Variants in IL1RAPL1 observed in about 807,000 individuals in gnomAD.
IL1RAPL1 encodes the protein interleukin 1 receptor accessory protein like 1.
In IL1RAPL1, 3 loss-of-function variants were observed where a neutral mutation model predicts 48.4. The observed-to-expected ratio is 0.06, with a 90% CI of 0.03 to 0.16. The LOEUF (loss-of-function observed/expected upper bound fraction) is 0.16, where lower values mean the gene tolerates loss of function less well. Ranked by LOEUF, IL1RAPL1 falls within the 10% of genes least tolerant of loss-of-function variation. The pLI, the probability that IL1RAPL1 is intolerant of heterozygous loss-of-function variation, is 1.00. For synonymous variants in IL1RAPL1, 185 were observed against 187.7 expected (o/e 0.99, Z 0.12); for missense variants, 349 against 530.6 (o/e 0.66, Z 3.36).
chrX:29,798,340 G>A (rs189538778), intron 6 of IL1RAPL1, among the ~76,000 whole-genome samples: 429 of 111,839 alleles, frequency 3.8e-3, no homozygotes, highest in African/African-American at 0.013. Flanking sequence ...TTTTCATCCT[G>A]AAAAGAAATA....
chrX:28,603,445 G>A (rs1365329475), intron 1 of IL1RAPL1, among the ~76,000 whole-genome samples: 2 of 111,984 alleles, frequency 1.8e-5, no homozygotes, highest in Non-Finnish European at 3.8e-5. Flanking sequence ...TTCTGTCACA[G>A]AGAAGACTGT....
chrX:29,242,475 A>G (rs144423909), intron 2 of IL1RAPL1, among the ~76,000 whole-genome samples: 1,148 of 112,324 alleles, frequency 0.01, 14 homozygotes, highest in African/African-American at 0.035. Context: ...AATTATGATT[A>G]CAGTCATATG....
intron 5 of IL1RAPL1, among the ~76,000 whole-genome samples, chrX:29,527,851 AATAT>A (rs1049865032): frequency 2.7e-5 from 3 of 112,025 alleles, no homozygotes; most frequent in Non-Finnish European, 3.8e-5. Flanking sequence ...GATGGACAAA[AATAT>A]AAATAGACAA....
At chrX:28,945,143 A>G (rs1343528308) in intron 2 of IL1RAPL1, among the ~76,000 whole-genome samples, 1 of 111,652 alleles carries the variant, frequency 9.0e-6, no homozygotes, top group Non-Finnish European at 1.9e-5. Flanking sequence ...ATGCTTTTAC[A>G]CTGTTGGTTG....
chrX:29,766,100 G>A (rs973595770), intron 6 of IL1RAPL1, among the ~76,000 whole-genome samples: 1 of 108,267 alleles, frequency 9.2e-6, no homozygotes, highest in African/African-American at 3.4e-5. Context: ...GGAGGCCGAG[G>A]TGGACGGATC....
At chrX:28,972,349 T>C (rs1339287897) in intron 2 of IL1RAPL1, among the ~76,000 whole-genome samples, 2 of 112,289 alleles carry the variant, frequency 1.8e-5, no homozygotes, top group African/African-American at 3.2e-5. Context: ...GGTATTGTTA[T>C]GTCTTGCTTT....
chrX:29,932,054 C>G (rs1248134651), intron 8 of IL1RAPL1, among the ~76,000 whole-genome samples: 2 of 112,109 alleles, frequency 1.8e-5, no homozygotes, highest in Admixed American at 1.9e-4. Context: ...ACCTGAGGCC[C>G]TTTTTGTTTG....
At chrX:29,755,264 A>G (rs1320635692) in intron 6 of IL1RAPL1, among the ~76,000 whole-genome samples, 1 of 112,246 alleles carries the variant, frequency 8.9e-6, no homozygotes, top group Admixed American at 9.5e-5. Flanking sequence ...GTAGGCAACT[A>G]GGTTTAGCCC....
chrX:29,120,109 A>G (rs1928752058), intron 2 of IL1RAPL1, among the ~76,000 whole-genome samples: 1 of 111,647 alleles, frequency 9.0e-6, no homozygotes. Context: ...TACCCAAGAT[A>G]GTTTCTTTTG....
chrX:28,800,750 G>A (rs73450986), intron 2 of IL1RAPL1, among the ~76,000 whole-genome samples: 8,387 of 110,873 alleles, frequency 0.076, 570 homozygotes, highest in African/African-American at 0.22. Flanking sequence ...TGTAGGGGTG[G>A]AGAGACAACG....
chrX:29,866,834 T>G (rs922967604), intron 6 of IL1RAPL1, among the ~76,000 whole-genome samples: 1 of 109,652 alleles, frequency 9.1e-6, no homozygotes, highest in East Asian at 2.8e-4. Flanking sequence ...ATCATTGCAA[T>G]AGTTTGTGCT....
intron 2 of IL1RAPL1, among the ~76,000 whole-genome samples, chrX:29,193,206 T>G (rs1175900625): frequency 1.8e-5 from 2 of 110,715 alleles, no homozygotes; most frequent in African/African-American, 6.5e-5. Context: ...ATTTTGTATT[T>G]GTTTTTTCAA....
chrX:29,553,701 T>C (rs779758161), intron 5 of IL1RAPL1, among the ~76,000 whole-genome samples: 1 of 111,113 alleles, frequency 9.0e-6, no homozygotes, highest in South Asian at 3.8e-4. Context: ...ACTCTGGGCA[T>C]AGTTCACAAT....
At chrX:29,374,246 CTG>C (rs1253425229) in intron 3 of IL1RAPL1, among the ~76,000 whole-genome samples, 5 of 88,194 alleles carry the variant, frequency 5.7e-5, no homozygotes, top group East Asian at 7.6e-4. Context: ...TAAAATTTGA[CTG>C]TGAATCCATC....
chrX:28,730,897 A>C (rs1045514894), intron 1 of IL1RAPL1, among the ~76,000 whole-genome samples: 1 of 112,092 alleles, frequency 8.9e-6, no homozygotes, highest in Non-Finnish European at 1.9e-5. Flanking sequence ...ACTCTAATTA[A>C]TGAATGTGCC....
At chrX:29,004,848 A>G (rs1925938500) in intron 2 of IL1RAPL1, among the ~76,000 whole-genome samples, 1 of 111,212 alleles carries the variant, frequency 9.0e-6, no homozygotes, top group Non-Finnish European at 1.9e-5. Flanking sequence ...TGACAGAGTG[A>G]GACCCTGTCT....
At chrX:28,738,940 C>G (rs1018404757) in intron 1 of IL1RAPL1, among the ~76,000 whole-genome samples, 36 of 111,005 alleles carry the variant, frequency 3.2e-4, no homozygotes, top group African/African-American at 8.5e-4. Context: ...TTCTACTTGG[C>G]TGTCTAAGTG....
chrX:29,444,562 TG>T (rs1934589616), intron 5 of IL1RAPL1, among the ~76,000 whole-genome samples: 1 of 110,087 alleles, frequency 9.1e-6, no homozygotes, highest in African/African-American at 3.3e-5. Context: ...ATAGGGAACC[TG>T]GGTGTTACAA....
chrX:29,811,926 A>G (rs1046674742), intron 6 of IL1RAPL1, among the ~76,000 whole-genome samples: 13 of 111,756 alleles, frequency 1.2e-4, no homozygotes, highest in Admixed American at 6.7e-4. Flanking sequence ...CACACCCTTT[A>G]ACACAGGAAT....
Sources: gnomAD v4.1 joint callset for allele counts (sites outside exome capture counted in the v4.1 genomes callset) on GRCh38, gnomAD v4.1.1 for gene constraint, MANE v1.5 for transcripts, NCBI Gene and HGNC (gene_info 2026-07-23, HGNC 2026-07-21) for gene names.